The following GFRA1 variants were observed in gnomAD, a reference collection of about 807,000 sequenced individuals.
GFRA1 encodes GDNF family receptor alpha-1.
GFRA1 carries 16 observed loss-of-function variants against 51.6 expected under a neutral mutation model. The ratio of observed to expected loss-of-function variants is 0.31; its 90% CI spans 0.21 to 0.47. GFRA1 has a LOEUF of 0.47. Among genes scored for constraint, GFRA1 ranks in the 20% least tolerant of loss-of-function variants. GFRA1 has a pLI of 1.00. For missense variants in GFRA1, 530 were observed against 594.3 expected (o/e 0.89, Z 1.13); for synonymous variants, 270 against 241.3 (o/e 1.12, Z -1.10).
chr10:116,067,348 C>T (rs1430245835), intron 9 of GFRA1, among the ~76,000 whole-genome samples: 1 of 152,206 alleles, frequency 6.6e-6, no homozygotes. Context: ...CTACAAAAGA[C>T]ATAAGCCCTT....
In GFRA1 at chr10:116,063,230, TGCAGAACATTTACAA is replaced by T. The variant is rs1565545620; in HGVS notation, c.*1153_*1167del. ...TCATGACAAGTGTGTCAAGAGATGC[TGCAGAACATTTACAA>T]GCAGCCACCAGTTCCCTCCACAGGT... On this transcript the variant is annotated 3_prime_UTR_variant, in exon 11 of 11. Coordinates refer to ENST00000355422, the MANE Select transcript of GFRA1 (RefSeq NM_005264.8). 6.6e-6 allele frequency: 1 copy of T among 152,246 alleles called. No homozygotes were observed. The highest frequency in any genetic ancestry group is 1.9e-4 in the East Asian group (1 of 5,194). The allele number at this position is 152,246 out of a possible 1,614,324, so 9.4% of individuals were successfully genotyped here.
chr10:116,225,409 CTT>C (rs1201088250), intron 4 of GFRA1, among the ~76,000 whole-genome samples: 1 of 151,318 alleles, frequency 6.6e-6, no homozygotes, highest in African/African-American at 2.4e-5. Context: ...GTGGCACGCA[CTT>C]ATAGTCCCTG....
intron 5 of GFRA1, among the ~76,000 whole-genome samples, chr10:116,180,769 C>T (rs1221591289): frequency 1.3e-5 from 2 of 152,142 alleles, no homozygotes; most frequent in Non-Finnish European, 2.9e-5. Context: ...TTGGACGTTC[C>T]ATCCCCTCTG....
chr10:116,162,437 G>A (rs1959917543), intron 5 of GFRA1, among the ~76,000 whole-genome samples: 2 of 152,182 alleles, frequency 1.3e-5, no homozygotes, highest in South Asian at 4.1e-4. Flanking sequence ...TCTCCAAGCG[G>A]TACTCGCATC....
chr10:116,098,465 C>A (rs1187032961), intron 6 of GFRA1, among the ~76,000 whole-genome samples: 2 of 152,204 alleles, frequency 1.3e-5, no homozygotes, highest in Non-Finnish European at 2.9e-5. Flanking sequence ...CCAATGGCAT[C>A]CAGCTTGGAT....
chr10:116,187,465 C>T (rs1458303937), intron 5 of GFRA1, among the ~76,000 whole-genome samples: 2 of 152,128 alleles, frequency 1.3e-5, no homozygotes, highest in South Asian at 4.2e-4. Flanking sequence ...CAAGGAGTTA[C>T]GTTCTAATTC....
intron 4 of GFRA1, among the ~76,000 whole-genome samples, chr10:116,237,295 T>A (rs770837779): frequency 1.3e-5 from 2 of 152,222 alleles, no homozygotes; most frequent in Non-Finnish European, 2.9e-5. Flanking sequence ...GCTCTCTGGT[T>A]GAACCATAAA....
intron 4 of GFRA1, among the ~76,000 whole-genome samples, chr10:116,235,018 A>T (rs113666805): frequency 6.6e-5 from 10 of 152,060 alleles, no homozygotes; most frequent in Non-Finnish European, 1.0e-4. Flanking sequence ...CATGATTGTA[A>T]GTTTCCTGAG....
At chr10:116,201,512 G>A (rs540144224) in intron 5 of GFRA1, among the ~76,000 whole-genome samples, 1 of 151,788 alleles carries the variant, frequency 6.6e-6, no homozygotes, top group African/African-American at 2.4e-5. Context: ...TCCTCCTCCC[G>A]CCCCTCACTC....
chr10:116,221,733 T>G (rs538866232), intron 4 of GFRA1, among the ~76,000 whole-genome samples: 10 of 152,258 alleles, frequency 6.6e-5, no homozygotes, highest in African/African-American at 2.4e-4. Context: ...TCTGTGTTCA[T>G]AATACTTTTA....
chr10:116,137,185 A>T (rs1958363212), intron 5 of GFRA1, among the ~76,000 whole-genome samples: 1 of 152,164 alleles, frequency 6.6e-6, no homozygotes, highest in East Asian at 1.9e-4. Flanking sequence ...CACAATCTAC[A>T]AACATTGTTC....
intron 6 of GFRA1, among the ~76,000 whole-genome samples, chr10:116,113,661 C>T (rs1316219049): frequency 2.0e-5 from 3 of 152,280 alleles, no homozygotes; most frequent in African/African-American, 4.8e-5. Context: ...ACATGAGCTC[C>T]GCAGCCCCAC....
At chr10:116,075,781 T>G (rs1403667768) in intron 9 of GFRA1, among the ~76,000 whole-genome samples, 1 of 152,060 alleles carries the variant, frequency 6.6e-6, no homozygotes, top group Non-Finnish European at 1.5e-5. Context: ...GTCTTGCTCT[T>G]TCACCCAGGC....
chr10:116,180,311 A>G (rs955578846), intron 5 of GFRA1, among the ~76,000 whole-genome samples: 1 of 152,232 alleles, frequency 6.6e-6, no homozygotes, highest in Non-Finnish European at 1.5e-5. Context: ...GTGTGAGGAC[A>G]TAAATACAAG....
intron 5 of GFRA1, among the ~76,000 whole-genome samples, chr10:116,137,655 A>ACCCTGT (rs1958387020): frequency 6.6e-6 from 1 of 152,238 alleles, no homozygotes; most frequent in African/African-American, 2.4e-5. Flanking sequence ...GGGTTCTTAA[A>ACCCTGT]AGACAGTAGC....
At chr10:116,232,307 C>T (rs7096912) in intron 4 of GFRA1, among the ~76,000 whole-genome samples, 53,034 of 152,054 alleles carry the variant, frequency 0.35, 9,687 homozygotes, top group African/African-American at 0.44. Context: ...CCTCCAGAAT[C>T]TTGTCTCAGA....
At chr10:116,223,490 T>C (rs1470343241) in intron 4 of GFRA1, among the ~76,000 whole-genome samples, 4 of 152,230 alleles carry the variant, frequency 2.6e-5, no homozygotes. Flanking sequence ...AGATAGCCTA[T>C]GTGGCTCCTC....
intron 5 of GFRA1, among the ~76,000 whole-genome samples, chr10:116,149,727 C>T (rs2134131932): frequency 6.6e-6 from 1 of 152,238 alleles, no homozygotes; most frequent in South Asian, 2.1e-4. Context: ...TAGGACTTTC[C>T]CTCCTATGTA....
intron 5 of GFRA1, among the ~76,000 whole-genome samples, chr10:116,187,490 C>A (rs1962838160): frequency 6.6e-6 from 1 of 152,142 alleles, no homozygotes; most frequent in Non-Finnish European, 1.5e-5. Context: ...GGCTTGAGAA[C>A]TATCTTATTT....
Sources: allele counts gnomAD v4.1 joint callset (sites outside exome capture counted in the v4.1 genomes callset), GRCh38; gene constraint gnomAD v4.1.1; transcripts MANE v1.5; gene names NCBI Gene and HGNC (gene_info 2026-07-23, HGNC 2026-07-21).